The following IFT122 variants were observed in gnomAD, a reference collection of about 807,000 sequenced individuals.
IFT122 encodes intraflagellar transport protein 122 homolog.
A neutral mutation model predicts 161.6 loss-of-function variants in IFT122; 118 were observed. That is an observed-to-expected ratio of 0.73 (90% CI 0.63 to 0.85). IFT122 has a LOEUF of 0.85. Ranked by LOEUF, IFT122 falls within the 40% of genes least tolerant of loss-of-function variation. IFT122 has a pLI of 0.00. For missense variants in IFT122, 1,381 were observed against 1,579.6 expected, an observed-to-expected ratio of 0.87 and a Z score of 2.13; for synonymous variants, 550 against 602.4, an observed-to-expected ratio of 0.91 and a Z score of 1.27.
At position 129,478,050 on chromosome 3, in the gene IFT122, T is replaced by G; in HGVS notation, c.1182T>G (p.Ile394Met). 6.2e-7 allele frequency: 1 copy of G among 1,614,232 alleles called. No homozygotes were observed. The highest frequency in any genetic ancestry group is 8.5e-7 in the Non-Finnish European group (1 of 1,180,024). ...AATGCAAAGAGCTTGTCAAGAAGATTGCCATCTACAGAAATCGATTGGCTA... is the reference window on the plus strand; with the variant it reads ...AATGCAAAGAGCTTGTCAAGAAGATGGCCATCTACAGAAATCGATTGGCTA... ...RIKCKELVKK[I>M]AIYRNRLAIQ... Residue 394 changes from isoleucine (I) to methionine (M), a missense_variant, in exon 12 of 30, where the codon ATT becomes ATG. Around this residue, in one of 7 missense-constraint regions of IFT122, gnomAD observed 544 missense variants for 648.0 expected, o/e 0.84. Coordinates refer to ENST00000348417, the MANE Select transcript of IFT122 (RefSeq NM_052989.3).
intron 1 of IFT122, among the ~76,000 whole-genome samples, chr3:129,442,762 C>T (rs965604755): frequency 1.3e-5 from 2 of 152,122 alleles, no homozygotes; most frequent in Non-Finnish European, 2.9e-5. Context: ...TCTCATAAAC[C>T]TAGAGTGATT....
At chr3:129,517,000 CACACAGAAACTGCCCCTGCACACACACAG>C in intron 26 of IFT122, among the ~76,000 whole-genome samples, 1 of 144,074 alleles carries the variant, frequency 6.9e-6, no homozygotes, top group South Asian at 2.3e-4. Flanking sequence ...CACACACACA[CACACAGAAACTGCCCCTGCACACACACAG>C]ATTGCTCCTG....
intron 2 of IFT122, 61 bp from the exon 3 acceptor site, chr3:129,451,853 C>G: frequency 1.5e-6 from 2 of 1,367,514 alleles, no homozygotes; most frequent in South Asian, 2.3e-5. Flanking sequence ...CAGTAGCAAC[C>G]CTGCAGGAAT....
chr3:129,507,646 T>C lies in IFT122; in HGVS notation c.2792-22T>C, dbSNP rs761855436. ...CAGACACTGTTTGACACGTTTCCCC[T>C]CCCACCCGCTGCACACAGCAGATCC... is the stretch of plus-strand genomic sequence containing the variant. On this transcript the variant is annotated intron_variant, in intron 22 of 29. Transcript: ENST00000348417. 2.5e-6 allele frequency: 4 copies of C among 1,604,892 alleles called. No homozygotes were observed. The South Asian group carries it at 4.4e-5, about 18-fold the overall frequency.
At position 129,504,365 on chromosome 3, in the gene IFT122, A is replaced by T. The variant is rs1234635948; in HGVS notation, c.2594A>T (p.Tyr865Phe). Residue 865 changes from tyrosine to phenylalanine, a missense_variant, in exon 21 of 30, where the codon TAC (tyrosine) becomes TTC (phenylalanine). Transcript: ENST00000348417. Reference protein sequence around the residue: ...EKHPEFKDDIYMPYAQWLAEN... With the variant: ...EKHPEFKDDIFMPYAQWLAEN... ...CATCCTGAGTTTAAGGATGACATCT[A>T]CATGCCGTATGCTCAGTGGCTAGCA... 1.2e-6 allele frequency: 2 copies of T among 1,614,176 alleles called. No homozygotes were observed. Among genetic ancestry groups the T allele is most frequent in the South Asian group, 2.2e-5 (2 of 91,084 alleles).
chr3:129,517,301 C>CACAG lies in IFT122; in HGVS notation c.3266-167_3266-166insCAGA, dbSNP rs1418736660. Among the ~76,000 whole-genome samples the CACAG allele has an allele frequency of 8.9e-4, 112 of 125,460 alleles. 1 individual carries two copies. Among genetic ancestry groups the CACAG allele is most frequent in the African/African-American group, 2.7e-3 (92 of 33,918 alleles). 82.3% of individuals were successfully genotyped at this position (125,460 alleles called of 152,430 possible). ...ACACACACACACACACACACACACA[C>CACAG]AGAGACTGCTCCTGCACACACATAC... On this transcript the variant is annotated intron_variant, in intron 26 of 29. Coordinates refer to ENST00000348417, the MANE Select transcript of IFT122 (RefSeq NM_052989.3).
At chr3:129,473,052 G>C (rs1287487848) in intron 9 of IFT122, among the ~76,000 whole-genome samples, 1 of 152,078 alleles carries the variant, frequency 6.6e-6, no homozygotes, top group East Asian at 1.9e-4. Context: ...TGTAATCTTA[G>C]TACTTCTGGA....
intron 1 of IFT122, among the ~76,000 whole-genome samples, chr3:129,443,934 AAGAAG>A (rs576189260): frequency 2.0e-3 from 304 of 152,322 alleles, no homozygotes; most frequent in Non-Finnish European, 3.6e-3. Context: ...GACCCTTATG[AAGAAG>A]AGGTCACACA....
chr3:129,518,781 C>T (rs1452962984), intron 27 of IFT122, among the ~76,000 whole-genome samples: 1 of 152,204 alleles, frequency 6.6e-6, no homozygotes, highest in East Asian at 1.9e-4. Flanking sequence ...TGCCCGCAGA[C>T]CCCCAGCAGC....
chr3:129,473,110 G>A (rs2077536217), intron 9 of IFT122, among the ~76,000 whole-genome samples: 1 of 152,176 alleles, frequency 6.6e-6, no homozygotes, highest in Non-Finnish European at 1.5e-5. Context: ...AGACTAGCCT[G>A]GGCTACATAG....
At chr3:129,510,066 G>A (rs1478114747) in intron 23 of IFT122, among the ~76,000 whole-genome samples, 2 of 152,160 alleles carry the variant, frequency 1.3e-5, no homozygotes, top group Non-Finnish European at 2.9e-5. Flanking sequence ...TGGGCATCTA[G>A]CATTTCTCTT....
At chr3:129,495,921 C>T (rs943590692) in intron 18 of IFT122, among the ~76,000 whole-genome samples, 2 of 152,212 alleles carry the variant, frequency 1.3e-5, no homozygotes, top group African/African-American at 4.8e-5. Flanking sequence ...GGCTTCAGGG[C>T]TGTCCCCCAC....
intron 17 of IFT122, among the ~76,000 whole-genome samples, chr3:129,494,873 C>T (rs2080649950): frequency 6.6e-6 from 1 of 152,164 alleles, no homozygotes. Context: ...GAGACCTACC[C>T]TGAGGGTCAC....
chr3:129,498,078 T>C (rs1465511025), intron 18 of IFT122, among the ~76,000 whole-genome samples: 1 of 152,240 alleles, frequency 6.6e-6, no homozygotes, highest in Admixed American at 6.5e-5. Flanking sequence ...CAGGGCCAAG[T>C]CTTTGCCATG....
At chr3:129,449,728 C>A in intron 1 of IFT122, 143 bp from the exon 2 acceptor site, 2 of 692,070 alleles carry the variant, frequency 2.9e-6, no homozygotes, top group Non-Finnish European at 5.3e-6. Context: ...ATGGAATTTG[C>A]AACAAATGCA....
chr3:129,512,636 C>T, intron 24 of IFT122: 1 of 590,130 alleles, frequency 1.7e-6, no homozygotes, highest in South Asian at 1.9e-5. Context: ...CTGAGCTGAA[C>T]CCAGCAGTGG....
At chr3:129,450,506 GT>G (rs1202592337) in intron 2 of IFT122, among the ~76,000 whole-genome samples, 135 of 152,168 alleles carry the variant, frequency 8.9e-4, no homozygotes, top group South Asian at 4.6e-3. Context: ...CCTCTTCTCT[GT>G]TGTCTCTAGA....
At chr3:129,462,220 C>G (rs1176892772) in intron 5 of IFT122, among the ~76,000 whole-genome samples, 1 of 152,100 alleles carries the variant, frequency 6.6e-6, no homozygotes, top group South Asian at 2.1e-4. Flanking sequence ...GGTCTGTGTG[C>G]TTACACTGGA....
intron 1 of IFT122, 60 bp downstream of exon 1, chr3:129,440,431 G>C: frequency 6.5e-7 from 1 of 1,540,238 alleles, no homozygotes; most frequent in Non-Finnish European, 8.8e-7. Flanking sequence ...GAGTGCGCGA[G>C]CCGCTGCAGC....
Sources: allele counts gnomAD v4.1 joint callset (sites outside exome capture counted in the v4.1 genomes callset), GRCh38; gene constraint gnomAD v4.1.1; regional missense constraint gnomAD v4.1.1; transcripts MANE v1.5; gene names NCBI Gene and HGNC (gene_info 2026-07-23, HGNC 2026-07-21).